The following R3HDM2 variants were observed in gnomAD, a reference collection of about 807,000 sequenced individuals.
The protein encoded by R3HDM2 is R3H domain-containing protein 2.
A neutral mutation model predicts 124.5 loss-of-function variants in R3HDM2; 38 were observed. That is an observed-to-expected ratio of 0.31 (90% CI 0.24 to 0.40). The LOEUF (loss-of-function observed/expected upper bound fraction) is 0.40, where lower values mean the gene tolerates loss of function less well. Ranked by LOEUF, R3HDM2 falls within the 10% of genes least tolerant of loss-of-function variation. The pLI is 1.00. For missense variants in R3HDM2, 869 were observed against 1,236.9 expected (o/e 0.70, Z 4.46); for synonymous variants, 391 against 448.0 (o/e 0.87, Z 1.61).
At chr12:57,269,626 A>G in intron 15 of R3HDM2, 126 bp downstream of exon 15, 1 of 1,485,668 alleles carries the variant, frequency 6.7e-7, no homozygotes, top group Non-Finnish European at 9.1e-7. Flanking sequence ...TTCTGGCTAG[A>G]ACAACTCTCA....
At chr12:57,376,729 C>T (rs2064114837) in intron 2 of R3HDM2, among the ~76,000 whole-genome samples, 1 of 152,064 alleles carries the variant, frequency 6.6e-6, no homozygotes, top group African/African-American at 2.4e-5. Flanking sequence ...GCAGGCGGAT[C>T]ACCTGAGGTC....
At chr12:57,282,799 A>G (rs1467152150) in intron 13 of R3HDM2, among the ~76,000 whole-genome samples, 1 of 152,220 alleles carries the variant, frequency 6.6e-6, no homozygotes, top group Non-Finnish European at 1.5e-5. Context: ...GAGGTAACAG[A>G]GAAGGGCAGC....
intron 4 of R3HDM2, among the ~76,000 whole-genome samples, chr12:57,301,664 T>C (rs1308136411): frequency 2.6e-5 from 4 of 152,244 alleles, no homozygotes; most frequent in African/African-American, 9.6e-5. Context: ...GATCAGGCCA[T>C]GTAAGGCAAG....
rs2049832018 is a variant in R3HDM2 at position 57,296,176 on chromosome 12, AC to A, written c.701+234del. ...AGCCACTGCGCCCGGCCATTTTTAA[AC>A]TTTTTTTTTTTTTTTAAAGTAATAG... On this transcript the variant is annotated intron_variant, in intron 9 of 23. Transcript: ENST00000402412. The surrounding 1 kb of genome is among the most constrained non-coding windows in gnomAD (Gnocchi z 4.5). Among the ~76,000 whole-genome samples the A allele has an allele frequency of 6.8e-6, 1 of 147,902 alleles. No individual in the cohort carries two copies. The highest frequency in any genetic ancestry group is 6.7e-5 in the Admixed American group (1 of 14,878).
chr12:57,399,233 C>T (rs2067840050), intron 1 of R3HDM2, among the ~76,000 whole-genome samples: 1 of 152,054 alleles, frequency 6.6e-6, no homozygotes, highest in Admixed American at 6.6e-5. Context: ...GAAACACCGT[C>T]TCTACTAAAA....
At chr12:57,309,256 T>C (rs2053408220) in intron 3 of R3HDM2, among the ~76,000 whole-genome samples, 1 of 152,244 alleles carries the variant, frequency 6.6e-6, no homozygotes, top group Non-Finnish European at 1.5e-5. Context: ...GTGTTAATTG[T>C]CTGTCTCTTG....
chr12:57,322,736 T>C (rs1348355324), intron 2 of R3HDM2, among the ~76,000 whole-genome samples: 2 of 152,250 alleles, frequency 1.3e-5, no homozygotes, highest in Middle Eastern at 6.8e-3. Flanking sequence ...CTAATAACTT[T>C]CCCAAGTCAA....
chr12:57,327,462 G>A lies in R3HDM2; in HGVS notation c.-35-16999C>T, dbSNP rs538977677. Among the ~76,000 whole-genome samples, 721 of 113,506 alleles carry A rather than the reference G, an allele frequency of 6.4e-3. 9 individuals are homozygous for A. The highest frequency in any genetic ancestry group is 0.021 in the African/African-American group (678 of 32,586). 74.5% of individuals were successfully genotyped at this position (113,506 alleles called of 152,430 possible). A position where few individuals can be genotyped will look rare whatever the true frequency, so the allele number is the denominator to read the frequency against. ...AGCCTGGGCGACAGAGCAAGACTCC[G>A]TCTCAAAAAAAAAAAAAAAAAGAAA... On this transcript the variant is annotated intron_variant, in intron 2 of 23. Transcript: ENST00000402412.
intron 1 of R3HDM2, among the ~76,000 whole-genome samples, chr12:57,427,559 A>G (rs1868263854): frequency 6.6e-6 from 1 of 150,916 alleles, no homozygotes; most frequent in Admixed American, 6.6e-5. Flanking sequence ...CATGTTGGCC[A>G]GGCTGGTCTC....
chr12:57,383,879 C>G (rs894895414), intron 2 of R3HDM2, among the ~76,000 whole-genome samples: 6 of 152,004 alleles, frequency 3.9e-5, no homozygotes, highest in African/African-American at 1.5e-4. Flanking sequence ...TCTAATATTC[C>G]TGTTCCAAAA....
chr12:57,426,272 G>A (rs1282478215), intron 1 of R3HDM2, among the ~76,000 whole-genome samples: 1 of 151,454 alleles, frequency 6.6e-6, no homozygotes, highest in Non-Finnish European at 1.5e-5. Context: ...TAAAATGAGG[G>A]ATAACCCACA....
At chr12:57,386,394 TCCGCACTCGGAGAGGCCAGCCGGCC>T (rs2065789449) in intron 2 of R3HDM2, among the ~76,000 whole-genome samples, 1 of 152,206 alleles carries the variant, frequency 6.6e-6, no homozygotes, top group South Asian at 2.1e-4. Flanking sequence ...CTCGGCAGGC[TCCGCACTCGGAGAGGCCAGCCGGCC>T]CCGCCCACCA....
chr12:57,360,518 G>T (rs1319188316), intron 2 of R3HDM2, among the ~76,000 whole-genome samples: 1 of 151,948 alleles, frequency 6.6e-6, no homozygotes, highest in African/African-American at 2.4e-5. Flanking sequence ...AAGAAGCAGG[G>T]AGCTAAGGTG....
intron 2 of R3HDM2, among the ~76,000 whole-genome samples, chr12:57,321,331 C>A (rs1186235841): frequency 6.6e-6 from 1 of 152,154 alleles, no homozygotes; most frequent in African/African-American, 2.4e-5. Flanking sequence ...GTTGCTCAAC[C>A]TTACTGTACA....
At position 57,295,408 on chromosome 12, in the gene R3HDM2, A is replaced by G; in HGVS notation, c.801T>C (p.Asp267=). 6.5e-7 allele frequency: 1 copy of G among 1,550,120 alleles called. No homozygotes were observed. The highest frequency in any genetic ancestry group is 2.4e-5 in the East Asian group (1 of 40,906). Residue 267 remains aspartate, a synonymous_variant, in exon 10 of 24, where the codon GAT becomes GAC. Transcript: ENST00000402412. ...LKRDDASMDR[D]DNQIRVPLQD... is the part of the protein sequence containing the mutation. ...CCTTTCCATTCTTCACCTGGTTATC[A>G]TCTCGGTCCATACTGGCATCATCTC... is the stretch of plus-strand genomic sequence containing the variant.
At chr12:57,397,258 GTTA>G (rs1265931975) in intron 1 of R3HDM2, among the ~76,000 whole-genome samples, 1 of 152,110 alleles carries the variant, frequency 6.6e-6, no homozygotes, top group Non-Finnish European at 1.5e-5. Flanking sequence ...AAAAGCAGTA[GTTA>G]TTATTATTAC....
chr12:57,345,514 C>T (rs923703363), intron 2 of R3HDM2, among the ~76,000 whole-genome samples: 1 of 134,654 alleles, frequency 7.4e-6, no homozygotes, highest in African/African-American at 2.6e-5. Context: ...CACACACACA[C>T]ACACACACAC....
At position 57,430,847 on chromosome 12, in the gene R3HDM2, G is replaced by T. The variant is rs1594715815; in HGVS notation, c.-233C>A. 2.0e-5 allele frequency: 3 copies of T among 148,468 alleles called. No individual in the cohort carries two copies. The South Asian group carries it at 6.3e-4, about 31-fold the overall frequency. 9.2% of individuals were successfully genotyped at this position (148,468 alleles called of 1,614,324 possible). On this transcript the variant is annotated 5_prime_UTR_variant, in exon 1 of 24. Transcript: ENST00000402412. ...TTCTGGGGGCGGGCTTTTCTCGGCC[G>T]GGGCTTCCCCGGGGCCGAGGGCTGG...
intron 2 of R3HDM2, among the ~76,000 whole-genome samples, chr12:57,359,716 C>T (rs1436479305): frequency 1.3e-5 from 2 of 152,100 alleles, no homozygotes; most frequent in African/African-American, 4.8e-5. Flanking sequence ...GGATTTAAAT[C>T]GACCACACTT....
Sources: allele counts gnomAD v4.1 joint callset (sites outside exome capture counted in the v4.1 genomes callset), GRCh38; gene constraint gnomAD v4.1.1; non-coding constraint Gnocchi (gnomAD v3.1); transcripts MANE v1.5; gene names NCBI Gene and HGNC (gene_info 2026-07-23, HGNC 2026-07-21).